RBFOX2: variants seen among roughly 807,000 people sequenced by gnomAD.
The protein encoded by RBFOX2 is RNA binding fox-1 homolog 2.
RBFOX2 carries 10 observed loss-of-function variants against 49.1 expected under a neutral mutation model. The ratio of observed to expected loss-of-function variants is 0.20; its 90% confidence interval spans 0.13 to 0.35. RBFOX2 has a LOEUF of 0.35. Ranked by LOEUF, RBFOX2 falls within the 10% of genes least tolerant of loss-of-function variation. The pLI is 1.00. For synonymous variants in RBFOX2, 183 were observed against 187.4 expected, an observed-to-expected ratio of 0.98 and a Z score of 0.19; for missense variants, 323 against 486.9, an observed-to-expected ratio of 0.66 and a Z score of 3.17.
At chr22:35,932,907 A>G (rs981661424) in intron 1 of RBFOX2, among the ~76,000 whole-genome samples, 2 of 152,234 alleles carry the variant, frequency 1.3e-5, no homozygotes, top group East Asian at 3.8e-4. Flanking sequence ...CTTTGTATTT[A>G]AAATATGAAA....
chr22:35,986,264 C>T (rs1603462278), intron 1 of RBFOX2, among the ~76,000 whole-genome samples: 1 of 152,022 alleles, frequency 6.6e-6, no homozygotes, highest in Non-Finnish European at 1.5e-5. Flanking sequence ...GCAAGATGCC[C>T]CAAAGACACA....
At chr22:35,893,348 C>G (rs1199454602) in intron 1 of RBFOX2, among the ~76,000 whole-genome samples, 1 of 152,168 alleles carries the variant, frequency 6.6e-6, no homozygotes, top group Non-Finnish European at 1.5e-5. Context: ...ACACAAGTAA[C>G]TGTAACATAA....
At chr22:35,755,615 T>A (rs1285414146) in intron 9 of RBFOX2, among the ~76,000 whole-genome samples, 2 of 152,236 alleles carry the variant, frequency 1.3e-5, no homozygotes, top group African/African-American at 4.8e-5. Context: ...TAGGAAAATG[T>A]ACAGTTCAGA....
At chr22:35,857,989 A>G (rs751272655) in intron 1 of RBFOX2, among the ~76,000 whole-genome samples, 2 of 152,252 alleles carry the variant, frequency 1.3e-5, no homozygotes, top group Non-Finnish European at 2.9e-5. Flanking sequence ...TGCCAAGTAG[A>G]AATCTAGAAA....
chr22:35,849,464 C>T (rs979855407), intron 1 of RBFOX2, among the ~76,000 whole-genome samples: 1 of 152,152 alleles, frequency 6.6e-6, no homozygotes, highest in African/African-American at 2.4e-5. Flanking sequence ...GAAAGCTAGG[C>T]TCTGAATGGT....
chr22:35,777,157 G>A (rs566952546), intron 4 of RBFOX2, among the ~76,000 whole-genome samples: 187 of 151,908 alleles, frequency 1.2e-3, no homozygotes, highest in African/African-American at 4.3e-3. Flanking sequence ...GATTACAGGC[G>A]TGTGCCACCA....
chr22:35,794,518 C>T (rs948983376), intron 2 of RBFOX2, among the ~76,000 whole-genome samples: 5 of 151,952 alleles, frequency 3.3e-5, no homozygotes, highest in East Asian at 1.9e-4. Flanking sequence ...ATTAGCCAGG[C>T]GTGGTGGTGG....
At chr22:35,831,522 C>T (rs533259224) in intron 1 of RBFOX2, among the ~76,000 whole-genome samples, 4 of 152,182 alleles carry the variant, frequency 2.6e-5, no homozygotes, top group Non-Finnish European at 5.9e-5. Flanking sequence ...ATTTCAGTGT[C>T]CGTAAATAGT....
rs191031732 is a variant in RBFOX2 at position 36,007,645 on chromosome 22, T to C, written c.186+20595A>G. ...TTATATACAATAAAAATTAAGTCTTTACCTATACCCTTATTCCTCTGTCTC... is the reference window on the plus strand; with the variant it reads ...TTATATACAATAAAAATTAAGTCTTCACCTATACCCTTATTCCTCTGTCTC... On this transcript the variant is annotated intron_variant, in intron 1 of 13. Transcript: ENST00000438146. 4.6e-5 allele frequency among the ~76,000 whole-genome samples: 7 copies of C among 152,340 alleles called. No homozygotes were observed. The East Asian group carries it at 1.2e-3, about 25-fold the overall frequency.
At chr22:35,957,232 T>C (rs1483473667) in intron 1 of RBFOX2, among the ~76,000 whole-genome samples, 1 of 152,198 alleles carries the variant, frequency 6.6e-6, no homozygotes. Context: ...GTTACAAGGA[T>C]TGAGGTAATA....
At chr22:35,960,779 G>A (rs2056112707) in intron 1 of RBFOX2, among the ~76,000 whole-genome samples, 1 of 152,024 alleles carries the variant, frequency 6.6e-6, no homozygotes, top group African/African-American at 2.4e-5. Flanking sequence ...AACCTAGGTA[G>A]GTATTTTTTT....
At chr22:35,807,425 T>C (rs746687905) in intron 2 of RBFOX2, among the ~76,000 whole-genome samples, 5 of 151,710 alleles carry the variant, frequency 3.3e-5, no homozygotes, top group Non-Finnish European at 5.9e-5. Context: ...AATTAAATTA[T>C]AAATCAATAA....
rs373399778 is a variant in RBFOX2 at position 35,881,215 on chromosome 22, C to T, written c.-34+57632G>A. Among the ~76,000 whole-genome samples, 95 of 151,728 alleles carry T rather than the reference C, an allele frequency of 6.3e-4. 1 individual carries two copies. Among genetic ancestry groups the T allele is most frequent in the South Asian group, 3.6e-3 (17 of 4,784 alleles). ...GGAGGCGGAGCTTGCAGTGAGCCGA[C>T]GATCGCGCCACTGCACTCCAGCTTG... On this transcript the variant is annotated intron_variant, in intron 1 of 13. Coordinates refer to the RBFOX2 transcript ENST00000359369.
intron 4 of RBFOX2, among the ~76,000 whole-genome samples, chr22:35,776,717 A>C (rs539906746): frequency 2.6e-5 from 4 of 152,358 alleles, no homozygotes; most frequent in African/African-American, 9.6e-5. Flanking sequence ...GACCAAATGA[A>C]AATTAACTAA....
intron 1 of RBFOX2, among the ~76,000 whole-genome samples, chr22:35,980,748 T>C (rs2057416162): frequency 6.6e-6 from 1 of 152,018 alleles, no homozygotes; most frequent in African/African-American, 2.4e-5. Flanking sequence ...ATAGTAAATA[T>C]GACAATCTCT....
At chr22:35,977,509 T>C (rs1261927975) in intron 1 of RBFOX2, among the ~76,000 whole-genome samples, 1 of 151,776 alleles carries the variant, frequency 6.6e-6, no homozygotes, top group Non-Finnish European at 1.5e-5. Context: ...GGCAAAATCA[T>C]AGGAACAGAA....
chr22:35,814,710 CAAA>C (rs55971445), intron 1 of RBFOX2, among the ~76,000 whole-genome samples: 1 of 31,026 alleles, frequency 3.2e-5, no homozygotes, highest in Non-Finnish European at 6.3e-5. Flanking sequence ...AACCCTGTCT[CAAA>C]AAAAAAAAAA....
chr22:35,899,769 A>G (rs889451908), intron 1 of RBFOX2, among the ~76,000 whole-genome samples: 1 of 152,204 alleles, frequency 6.6e-6, no homozygotes, highest in African/African-American at 2.4e-5. Context: ...AGAGATTAAG[A>G]TGCACACATA....
intron 1 of RBFOX2, among the ~76,000 whole-genome samples, chr22:35,832,118 T>A (rs1360442589): frequency 6.6e-6 from 1 of 152,224 alleles, no homozygotes; most frequent in African/African-American, 2.4e-5. Flanking sequence ...ACGCCAGTAA[T>A]CCCAGCACTT....
Sources: allele counts gnomAD v4.1 joint callset (sites outside exome capture counted in the v4.1 genomes callset), GRCh38; gene constraint gnomAD v4.1.1; transcripts MANE v1.5; gene names NCBI Gene and HGNC (gene_info 2026-07-23, HGNC 2026-07-21).